The following PTPRA variants were observed in gnomAD, a reference collection of about 807,000 sequenced individuals.
The protein encoded by PTPRA is protein tyrosine phosphatase receptor type A, also known as receptor-type tyrosine-protein phosphatase alpha.
PTPRA carries 25 observed loss-of-function variants against 104.8 expected under a neutral mutation model. The ratio of observed to expected loss-of-function variants is 0.24; its 90% CI spans 0.17 to 0.33. The LOEUF (loss-of-function observed/expected upper bound fraction) is 0.33, where lower values mean the gene tolerates loss of function less well. Ranked by LOEUF, PTPRA falls within the 10% of genes least tolerant of loss-of-function variation. The pLI is 1.00. For missense variants in PTPRA, 765 were observed against 1,015.3 expected, an observed-to-expected ratio of 0.75 and a Z score of 3.35; for synonymous variants, 323 against 368.9, an observed-to-expected ratio of 0.88 and a Z score of 1.43.
At chr20:2,932,247 C>T (rs1008521345) in intron 2 of PTPRA, among the ~76,000 whole-genome samples, 2 of 151,752 alleles carry the variant, frequency 1.3e-5, no homozygotes, top group East Asian at 1.9e-4. Flanking sequence ...GATTTGAGAA[C>T]GAAGGATTTA....
At chr20:2,963,306 A>T (rs999783565) in intron 3 of PTPRA, among the ~76,000 whole-genome samples, 17 of 152,162 alleles carry the variant, frequency 1.1e-4, no homozygotes, top group Non-Finnish European at 2.1e-4. Flanking sequence ...TGACTTTTTT[A>T]AAAAAGTTTT....
chr20:2,915,161 A>T (rs2059856847), intron 1 of PTPRA, among the ~76,000 whole-genome samples: 1 of 151,736 alleles, frequency 6.6e-6, no homozygotes, highest in South Asian at 2.1e-4. Flanking sequence ...CCATCATAGC[A>T]TGCTGTAGCC....
At chr20:2,991,673 G>A (rs1395269577) in intron 9 of PTPRA, among the ~76,000 whole-genome samples, 1 of 152,160 alleles carries the variant, frequency 6.6e-6, no homozygotes, top group East Asian at 1.9e-4. Context: ...GGCATGACAG[G>A]TAAATTCGGA....
At chr20:3,034,328 T>C (rs2065692065) in intron 20 of PTPRA, among the ~76,000 whole-genome samples, 1 of 152,142 alleles carries the variant, frequency 6.6e-6, no homozygotes, top group Non-Finnish European at 1.5e-5. Context: ...ACTTGATATG[T>C]ATTTCTGTCT....
At chr20:2,902,850 T>G (rs1277064767) in intron 1 of PTPRA, among the ~76,000 whole-genome samples, 1 of 152,226 alleles carries the variant, frequency 6.6e-6, no homozygotes, top group Non-Finnish European at 1.5e-5. Context: ...GTTTTTCAAC[T>G]GGCCCGTTAA....
rs1314143966 is a variant in PTPRA, at chr20:3,022,347, G to A, written c.1328+127G>A. 2.1e-5 allele frequency: 26 copies of A among 1,219,472 alleles called. No individual in the cohort carries two copies. Among genetic ancestry groups the A allele is most frequent in the East Asian group, 7.1e-5 (3 of 42,110 alleles). 75.5% of individuals were successfully genotyped at this position (1,219,472 alleles called of 1,614,324 possible). ...GTAGATGACCTACTGGGGCACCAGCGCAACAGCCAGAGACTCCAAGTTCTA... is the reference window on the plus strand; with the variant it reads ...GTAGATGACCTACTGGGGCACCAGCACAACAGCCAGAGACTCCAAGTTCTA... On this transcript the variant is annotated intron_variant, in intron 15 of 23. Coordinates refer to ENST00000399903, the MANE Select transcript of PTPRA (RefSeq NM_001385305.1). The surrounding 1 kb of genome is among the most constrained non-coding windows in gnomAD (Gnocchi z 4.6).
In PTPRA at chr20:2,934,164, C is replaced by T. The variant is rs373428176; in HGVS notation, c.-50+10879C>T. Among the ~76,000 whole-genome samples the T allele has an allele frequency of 4.6e-5, 7 of 152,288 alleles. No individual in the cohort carries two copies. In the East Asian group the frequency reaches 7.7e-4, roughly 17 times the overall value. On this transcript the variant is annotated intron_variant, in intron 2 of 23. Transcript: ENST00000399903. Reference sequence around the variant, plus strand: ...TTTTGTCCAGGCTGGAGTACAGTGGCACAATCATGGCTCACTGCGGCATCT... The same window carrying T: ...TTTTGTCCAGGCTGGAGTACAGTGGTACAATCATGGCTCACTGCGGCATCT...
chr20:2,874,113 A>G (rs566982574), intron 1 of PTPRA, among the ~76,000 whole-genome samples: 1 of 152,322 alleles, frequency 6.6e-6, no homozygotes, highest in South Asian at 2.1e-4. Flanking sequence ...AATGGGAGGA[A>G]AGAGGAAAAC....
intron 2 of PTPRA, among the ~76,000 whole-genome samples, chr20:2,945,140 C>T (rs941399193): frequency 2.0e-5 from 3 of 151,954 alleles, no homozygotes; most frequent in Non-Finnish European, 4.4e-5. Flanking sequence ...TATATTTTAC[C>T]TGTTCTTAAA....
At chr20:2,994,870 C>G (rs1335151132) in intron 9 of PTPRA, among the ~76,000 whole-genome samples, 1 of 152,214 alleles carries the variant, frequency 6.6e-6, no homozygotes, top group Non-Finnish European at 1.5e-5. Flanking sequence ...TGGCTCATGC[C>G]TGTAATCCCA....
At position 3,019,264 on chromosome 20, in the gene PTPRA, C is replaced by T. The variant is rs1475727350; in HGVS notation, c.1041+1351C>T. ...GCCGGGCGGGGGGCTGACCCCCCCA[C>T]CTCCCTCCCGGACGAGGTGGCTGCC... On this transcript the variant is annotated intron_variant, in intron 13 of 23. Transcript: ENST00000399903. Among the ~76,000 whole-genome samples, 606 of 150,662 alleles carry T rather than the reference C, an allele frequency of 4.0e-3. 7 individuals carry two copies. The highest frequency in any genetic ancestry group is 0.014 in the African/African-American group (586 of 40,998).
chr20:2,893,493 T>A (rs1477830720), intron 1 of PTPRA, among the ~76,000 whole-genome samples: 2 of 152,232 alleles, frequency 1.3e-5, no homozygotes, highest in African/African-American at 4.8e-5. Flanking sequence ...ATATTTAATC[T>A]TAGCTGTACT....
intron 1 of PTPRA, among the ~76,000 whole-genome samples, chr20:2,882,975 CTTTTT>C (rs752857166): frequency 8.8e-6 from 1 of 113,688 alleles, no homozygotes; most frequent in Non-Finnish European, 1.8e-5. Flanking sequence ...AAATCCAACA[CTTTTT>C]TTTTTTTTTT....
At chr20:2,960,546 CT>C (rs974662997) in intron 3 of PTPRA, among the ~76,000 whole-genome samples, 2 of 151,530 alleles carry the variant, frequency 1.3e-5, no homozygotes, top group African/African-American at 4.8e-5. Context: ...CACGCCCTAC[CT>C]TTTTTTTAAA....
At chr20:2,974,606 T>A (rs1054504894) in intron 5 of PTPRA, among the ~76,000 whole-genome samples, 2 of 152,150 alleles carry the variant, frequency 1.3e-5, no homozygotes, top group Non-Finnish European at 2.9e-5. Context: ...TGTTTTGTAT[T>A]TTTAGTAGAG....
chr20:2,917,213 C>T (rs2059936283), intron 1 of PTPRA, among the ~76,000 whole-genome samples: 1 of 151,886 alleles, frequency 6.6e-6, no homozygotes, highest in African/African-American at 2.4e-5. Context: ...CGGCCTCGGC[C>T]TCCCAAAGTG....
the PTPRA span, chr20:2,865,215 T>G: frequency 6.2e-7 from 1 of 1,614,174 alleles, no homozygotes; most frequent in South Asian, 1.1e-5. The surrounding 1 kb of genome is among the most constrained non-coding windows in gnomAD (Gnocchi z 5.2). Flanking sequence ...GGGGGCCAGT[T>G]CCTAGACCTG....
intron 17 of PTPRA, among the ~76,000 whole-genome samples, chr20:3,025,619 C>G (rs1336652016): frequency 2.0e-5 from 3 of 151,904 alleles, no homozygotes; most frequent in Admixed American, 6.5e-5. Context: ...CCTGTAATCC[C>G]AGCACTTTGG....
At chr20:2,931,583 A>G (rs562221594) in intron 2 of PTPRA, among the ~76,000 whole-genome samples, 49 of 152,200 alleles carry the variant, frequency 3.2e-4, no homozygotes, top group South Asian at 6.2e-4. Context: ...CAGGAAGCCA[A>G]TACTGTAGAC....
Sources: allele counts gnomAD v4.1 joint callset (sites outside exome capture counted in the v4.1 genomes callset), GRCh38; gene constraint gnomAD v4.1.1; non-coding constraint Gnocchi (gnomAD v3.1); transcripts MANE v1.5; gene names NCBI Gene and HGNC (gene_info 2026-07-23, HGNC 2026-07-21).